The following FANCM variants were observed in gnomAD, a reference collection of about 807,000 sequenced individuals.
FANCM encodes the protein Fanconi anemia group M protein.
A neutral mutation model predicts 199.5 loss-of-function variants in FANCM; 140 were observed. That is an observed-to-expected ratio of 0.70 (90% CI 0.61 to 0.81). The LOEUF is 0.81. Ranked by LOEUF, FANCM falls within the 30% of genes least tolerant of loss-of-function variation. The pLI, the probability that FANCM is intolerant of heterozygous loss-of-function variation, is 0.00. For synonymous variants in FANCM, 840 were observed against 836.8 expected (o/e 1.00, Z -0.07); for missense variants, 2,410 against 2,421.4 (o/e 1.00, Z 0.10).
rs1887394470 is a variant in FANCM at position 45,159,107 on chromosome 14, A to G, written c.1408A>G (p.Thr470Ala). ...ATATATATATATAGCTGAAAACACT[A>G]CTGAAAAGAAACGTGATGAGACCCG... ...HFKSWNAENTTEKKRDETRVM... is the reference protein window; with the variant it reads ...HFKSWNAENTAEKKRDETRVM... The change falls in exon 9 of 23, where the codon ACT (threonine) becomes GCT (alanine). Residue 470 changes from threonine (T) to alanine (A), a missense_variant. Transcript: ENST00000267430. 6.3e-7 allele frequency: 1 copy of G among 1,598,786 alleles called. No homozygotes were observed. Among genetic ancestry groups the G allele is most frequent in the African/African-American group, 1.3e-5 (1 of 74,426 alleles).
At position 45,186,980 on chromosome 14, in the gene FANCM, T is replaced by C. The variant is rs74806881; in HGVS notation, c.4673-801T>C. ...GGAATGCTAGTGGCTTCTACCAAGA[T>C]AGTAGCACTGAGGAGAGTGAGAAAG... On this transcript the variant is annotated intron_variant, in intron 18 of 22. Coordinates refer to ENST00000267430, the MANE Select transcript of FANCM (RefSeq NM_020937.4). Among the ~76,000 whole-genome samples the C allele has an allele frequency of 7.6e-3, 1,158 of 152,210 alleles. 6 individuals carry two copies. The highest frequency in any genetic ancestry group is 0.012 in the Non-Finnish European group (840 of 68,014).
Position 45,175,054 on chromosome 14 carries a change from A to G in FANCM, c.2317-17A>G, listed in dbSNP as rs772121751. ...GTTTTGTTTTCCTGTGGCTTTTTAA[A>G]TTTTCCTTATTTATAGGGAGAATGC... On this transcript the variant is annotated splice_polypyrimidine_tract_variant and intron_variant, in intron 13 of 22. Transcript: ENST00000267430. 1 of 1,556,952 alleles carries G rather than the reference A, an allele frequency of 6.4e-7. No homozygotes were observed. Among genetic ancestry groups the G allele is most frequent in the Non-Finnish European group, 8.8e-7 (1 of 1,130,714 alleles).
chr14:45,154,949 G>T, intron 7 of FANCM, 127 bp downstream of exon 7: 1 of 653,532 alleles, frequency 1.5e-6, no homozygotes. Flanking sequence ...TCTGTTAAAT[G>T]TGTAAATATT....
At chr14:45,152,088 G>A (rs1156312015) in intron 5 of FANCM, among the ~76,000 whole-genome samples, 1 of 150,874 alleles carries the variant, frequency 6.6e-6, no homozygotes, top group African/African-American at 2.4e-5. Context: ...GTGTGCAGTG[G>A]TGTGACCTTG....
chr14:45,156,367 T>G (rs961555713), intron 8 of FANCM, among the ~76,000 whole-genome samples: 2 of 152,170 alleles, frequency 1.3e-5, no homozygotes, highest in Non-Finnish European at 2.9e-5. Flanking sequence ...TTCTGAATAT[T>G]TGTGCTTTGC....
At chr14:45,181,773 A>T (rs1224588282) in intron 16 of FANCM, 68 bp downstream of exon 16, 57 of 925,932 alleles carry the variant, frequency 6.2e-5, no homozygotes, top group Non-Finnish European at 9.2e-5. Context: ...AGAGAAATAT[A>T]TGTGTAGATA....
Position 45,189,039 on chromosome 14 carries a change from T to G in FANCM, c.5017T>G (p.Ser1673Ala). ...ATCCAGAATTATTTTACCAGATGAT[T>G]CAAGTGAGGAGGAGAACAATGTAAA... ...KLSRIILPDD[S>A]SEEENNVNDK... The change falls in exon 20 of 23, where the codon TCA (serine) becomes GCA (alanine). Residue 1673 changes from serine to alanine, a missense_variant. Physicochemically the swap from Ser to Ala is moderately conservative, Grantham distance 99. Coordinates refer to ENST00000267430, the MANE Select transcript of FANCM (RefSeq NM_020937.4). The G allele has an allele frequency of 6.2e-7, 1 of 1,614,054 alleles. No individual in the cohort carries two copies. Among genetic ancestry groups the G allele is most frequent in the Admixed American group, 1.7e-5 (1 of 60,020 alleles).
intron 8 of FANCM, among the ~76,000 whole-genome samples, chr14:45,158,458 T>C (rs955607851): frequency 7.2e-6 from 1 of 138,890 alleles, no homozygotes; most frequent in Middle Eastern, 3.7e-3. Flanking sequence ...CACAGACATA[T>C]CGGGAGCAGC....
At chr14:45,147,046 C>T (rs1335041795) in intron 3 of FANCM, among the ~76,000 whole-genome samples, 1 of 152,078 alleles carries the variant, frequency 6.6e-6, no homozygotes, top group Non-Finnish European at 1.5e-5. Context: ...GTTTCTCTGT[C>T]ATTAACTCAA....
chr14:45,165,187 G>T (rs1220339414), intron 10 of FANCM, among the ~76,000 whole-genome samples: 1 of 152,114 alleles, frequency 6.6e-6, no homozygotes, highest in African/African-American at 2.4e-5. Context: ...ACTAACTTTT[G>T]TAACTTATCG....
chr14:45,184,643 A>G (rs1889275744), intron 17 of FANCM, among the ~76,000 whole-genome samples: 1 of 150,608 alleles, frequency 6.6e-6, no homozygotes, highest in African/African-American at 2.5e-5. Flanking sequence ...CCTGGGCAAC[A>G]AAGTGAGACT....
At chr14:45,196,614 C>A (rs2139321205) in intron 21 of FANCM, 67 bp downstream of exon 21, 1 of 1,476,722 alleles carries the variant, frequency 6.8e-7, no homozygotes, top group Admixed American at 1.7e-5. Flanking sequence ...TTAGTTTATT[C>A]TTCTATTATT....
chr14:45,173,831 A>G (rs1346355388), intron 13 of FANCM, among the ~76,000 whole-genome samples: 1 of 152,218 alleles, frequency 6.6e-6, no homozygotes, highest in Non-Finnish European at 1.5e-5. Flanking sequence ...TGATAAGTAC[A>G]CAGTAAATTG....
At chr14:45,146,259 AG>A (rs1476921228) in intron 3 of FANCM, among the ~76,000 whole-genome samples, 3 of 149,886 alleles carry the variant, frequency 2.0e-5, no homozygotes, top group African/African-American at 2.4e-5. Flanking sequence ...AAAAAAAAAA[AG>A]GATTGTGTTT....
chr14:45,193,454 C>A (rs572479683), intron 20 of FANCM, among the ~76,000 whole-genome samples: 1 of 152,342 alleles, frequency 6.6e-6, no homozygotes, highest in Admixed American at 6.5e-5. Flanking sequence ...GGGAAGAGAA[C>A]ATCTTGCCAA....
At chr14:45,149,796 T>C (rs1886689525) in intron 4 of FANCM, among the ~76,000 whole-genome samples, 1 of 151,280 alleles carries the variant, frequency 6.6e-6, no homozygotes, top group Admixed American at 6.6e-5. Context: ...TGACACATTT[T>C]TGGTTCTTAC....
In FANCM at chr14:45,185,361, C is replaced by T; in HGVS notation, c.4660C>T (p.Gln1554Ter). The part of the protein sequence containing the change: ...DFLNDETQLS[Q>*]AINDSEMRAI... ...TTTAAATGATGAAACTCAACTTTCA[C>T]AGGCTATAAATGGTAAATGTTATAA... Residue 1554 changes from glutamine to a stop codon, truncating the protein, a stop_gained, in exon 18 of 23, where the codon CAG becomes TAG. Transcript: ENST00000267430. LOFTEE classifies it high-confidence loss of function. 1 of 1,584,874 alleles carries T rather than the reference C, an allele frequency of 6.3e-7. No homozygotes were observed. The highest frequency in any genetic ancestry group is 8.6e-7 in the Non-Finnish European group (1 of 1,158,372).
chr14:45,159,411 AAAT>A, intron 9 of FANCM, 131 bp downstream of exon 9: 1 of 637,976 alleles, frequency 1.6e-6, no homozygotes, highest in Non-Finnish European at 2.7e-6. Context: ...GTGTAGGTAA[AAAT>A]AAGCATATTT....
Position 45,151,807 on chromosome 14 carries a change from G to A in FANCM, c.1050+279G>A, listed in dbSNP as rs202191379. Among the ~76,000 whole-genome samples the A allele has an allele frequency of 9.9e-5, 15 of 151,704 alleles. No individual in the cohort carries two copies. In the East Asian group the frequency reaches 2.9e-3, roughly 30 times the overall value. On this transcript the variant is annotated intron_variant, in intron 5 of 22. Coordinates refer to ENST00000267430, the MANE Select transcript of FANCM (RefSeq NM_020937.4). ...AGTGTGGTGGTATGTACCTACTCAGGAGCCTGAGGCAGGGTAGGATTGCTT... is the reference window on the plus strand; with the variant it reads ...AGTGTGGTGGTATGTACCTACTCAGAAGCCTGAGGCAGGGTAGGATTGCTT...
Sources: gnomAD v4.1 joint callset for allele counts (sites outside exome capture counted in the v4.1 genomes callset) on GRCh38, gnomAD v4.1.1 for gene constraint, MANE v1.5 for transcripts, NCBI Gene and HGNC (gene_info 2026-07-23, HGNC 2026-07-21) for gene names.